Variants in PTGFRN observed in about 807,000 individuals in gnomAD.
PTGFRN encodes the protein prostaglandin F2 receptor negative regulator.
In PTGFRN, 35 loss-of-function variants were observed where a neutral mutation model predicts 83.2. The observed-to-expected ratio is 0.42, with a 90% CI of 0.32 to 0.56. The LOEUF (loss-of-function observed/expected upper bound fraction) is 0.56. PTGFRN is among the 20% of genes least tolerant of loss of function. The pLI, the probability that PTGFRN is intolerant of heterozygous loss-of-function variation, is 0.11. For synonymous variants in PTGFRN, 519 were observed against 498.6 expected (o/e 1.04, Z -0.55); for missense variants, 1,051 against 1,179.5 (o/e 0.89, Z 1.60).
Position 116,961,405 on chromosome 1 carries a change from T to C in PTGFRN, c.1376T>C (p.Val459Ala). The C allele has an allele frequency of 6.2e-7, 1 of 1,613,756 alleles. No individual in the cohort carries two copies. The highest frequency in any genetic ancestry group is 8.5e-7 in the Non-Finnish European group (1 of 1,179,784). ...YRMNRRSDNV[V>A]TSELLAVMDG... Reference sequence around the variant, plus strand: ...ATGAACCGGCGCAGCGACAATGTGGTGACCAGCGAGCTGCTTGCAGTCATG... The same window carrying C: ...ATGAACCGGCGCAGCGACAATGTGGCGACCAGCGAGCTGCTTGCAGTCATG... Residue 459 changes from valine to alanine, a missense_variant, in exon 5 of 9, where the codon GTG (valine) becomes GCG (alanine). Coordinates refer to ENST00000393203, the MANE Select transcript of PTGFRN (RefSeq NM_020440.4). This position sits in a 1 kb window ranked among gnomAD's most constrained non-coding sequence, Gnocchi z 5.4.
intron 6 of PTGFRN, among the ~76,000 whole-genome samples, chr1:116,968,518 ATC>A (rs1018628830): frequency 1.3e-5 from 2 of 152,074 alleles, no homozygotes; most frequent in African/African-American, 2.4e-5. Flanking sequence ...TTTATTGTGT[ATC>A]TGTTTGTTTT....
At chr1:116,960,626 G>T (rs1388751260) in intron 4 of PTGFRN, among the ~76,000 whole-genome samples, 1 of 152,166 alleles carries the variant, frequency 6.6e-6, no homozygotes, top group Non-Finnish European at 1.5e-5. Context: ...TTGAGGATGG[G>T]AGTGCTTATT....
chr1:116,970,895 G>A (rs958891217), intron 6 of PTGFRN, among the ~76,000 whole-genome samples: 1 of 152,148 alleles, frequency 6.6e-6, no homozygotes, highest in Non-Finnish European at 1.5e-5. Flanking sequence ...AAAAACCAAG[G>A]GGCCCTACTG....
intron 1 of PTGFRN, among the ~76,000 whole-genome samples, chr1:116,928,863 T>C (rs1014052300): frequency 6.6e-6 from 1 of 152,206 alleles, no homozygotes; most frequent in Non-Finnish European, 1.5e-5. Context: ...TGGCTCTTTT[T>C]CCTCTCTATG....
intron 1 of PTGFRN, among the ~76,000 whole-genome samples, chr1:116,932,313 C>T (rs1649820165): frequency 6.6e-6 from 1 of 152,064 alleles, no homozygotes; most frequent in Non-Finnish European, 1.5e-5. Context: ...AAGAACTTGC[C>T]TTTTTCTACC....
At chr1:116,955,931 G>A (rs768294027) in intron 4 of PTGFRN, among the ~76,000 whole-genome samples, 7 of 152,206 alleles carry the variant, frequency 4.6e-5, no homozygotes, top group Non-Finnish European at 1.0e-4. Context: ...CGAAATAGGA[G>A]TGTGACATGT....
chr1:116,935,897 G>A (rs1340270634), intron 1 of PTGFRN, among the ~76,000 whole-genome samples: 1 of 152,078 alleles, frequency 6.6e-6, no homozygotes, highest in African/African-American at 2.4e-5. Flanking sequence ...GACTTTTAAG[G>A]CTGATAAATG....
chr1:116,935,480 G>A (rs1384516705), intron 1 of PTGFRN, among the ~76,000 whole-genome samples: 1 of 151,976 alleles, frequency 6.6e-6, no homozygotes, highest in African/African-American at 2.4e-5. Context: ...TGTAGTGGGA[G>A]TGAGGGTGGG....
chr1:116,989,224 A>G lies in PTGFRN; in HGVS notation c.*2257A>G, dbSNP rs1165895764. ...TACACACTGTACCTTTTCCTTTCAT[A>G]CTGATGCTGCAGTTCAGGGCTGGAG... On this transcript the variant is annotated 3_prime_UTR_variant, in exon 9 of 9. Transcript: ENST00000393203. The G allele has an allele frequency of 6.6e-6, 1 of 152,144 alleles. No individual in the cohort carries two copies. Among genetic ancestry groups the G allele is most frequent in the African/African-American group, 2.4e-5 (1 of 41,392 alleles). 9.4% of individuals were successfully genotyped at this position (152,144 alleles called of 1,614,324 possible). A position where few individuals can be genotyped will look rare whatever the true frequency, so the allele number is the denominator to read the frequency against.
intron 7 of PTGFRN, 164 bp downstream of exon 7, chr1:116,974,487 T>C (rs968050253): frequency 2.2e-5 from 11 of 507,964 alleles, no homozygotes; most frequent in Admixed American, 3.9e-5. Flanking sequence ...AATAAATACA[T>C]GTTGAGTGGA....
intron 1 of PTGFRN, among the ~76,000 whole-genome samples, chr1:116,937,871 A>C (rs1247946840): frequency 6.6e-6 from 1 of 152,198 alleles, no homozygotes; most frequent in African/African-American, 2.4e-5. Flanking sequence ...AGGGATCATG[A>C]GTGCTGTAAG....
chr1:116,932,966 G>A (rs943114320), intron 1 of PTGFRN, among the ~76,000 whole-genome samples: 4 of 152,162 alleles, frequency 2.6e-5, no homozygotes, highest in African/African-American at 9.7e-5. Context: ...TGATAGGGGT[G>A]GTAATAGCTA....
chr1:116,988,588 A>G lies in PTGFRN; in HGVS notation c.*1621A>G, dbSNP rs1651592747. ...AAGATTCATTTGTTTTGAGCAATAA[A>G]CTAATACAAAATGATGGCCATTCAT... On this transcript the variant is annotated 3_prime_UTR_variant, in exon 9 of 9. Coordinates refer to ENST00000393203, the MANE Select transcript of PTGFRN (RefSeq NM_020440.4). 1 of 152,680 alleles carries G rather than the reference A, an allele frequency of 6.5e-6. No homozygotes were observed. The highest frequency in any genetic ancestry group is 2.1e-4 in the South Asian group (1 of 4,836). The allele number at this position is 152,680 out of a possible 1,614,324, so 9.5% of individuals were successfully genotyped here. A position where few individuals can be genotyped will look rare whatever the true frequency, so the allele number is the denominator to read the frequency against.
At chr1:116,920,210 A>C (rs1243235403) in intron 1 of PTGFRN, among the ~76,000 whole-genome samples, 2 of 152,240 alleles carry the variant, frequency 1.3e-5, no homozygotes, top group Non-Finnish European at 2.9e-5. Flanking sequence ...CATTTCCTGC[A>C]CACTAAGGAT....
chr1:116,950,784 C>T (rs768429965), intron 4 of PTGFRN, among the ~76,000 whole-genome samples: 2 of 152,104 alleles, frequency 1.3e-5, no homozygotes, highest in African/African-American at 2.4e-5. Context: ...GCAGGGTGTT[C>T]ATCAGCCCTG....
chr1:116,954,257 T>C (rs1310189823), intron 4 of PTGFRN, among the ~76,000 whole-genome samples: 1 of 152,204 alleles, frequency 6.6e-6, no homozygotes, highest in Non-Finnish European at 1.5e-5. Context: ...ATCCTCATAA[T>C]GGTTCTGCCA....
intron 4 of PTGFRN, among the ~76,000 whole-genome samples, chr1:116,957,576 A>G (rs1184949853): frequency 2.0e-5 from 3 of 152,172 alleles, no homozygotes; most frequent in Non-Finnish European, 4.4e-5. Context: ...TGGCTAAATC[A>G]AGCTAATTAA....
intron 5 of PTGFRN, among the ~76,000 whole-genome samples, chr1:116,963,220 C>T (rs1035794875): frequency 2.6e-5 from 4 of 152,202 alleles, no homozygotes; most frequent in South Asian, 2.1e-4. Context: ...CTTGGCACTG[C>T]GTGGGAATTA....
In PTGFRN at chr1:116,944,740, G is replaced by A. The variant is rs748637824; in HGVS notation, c.480G>A (p.Arg160=). ...SARPPPSLSL[R]EGEPFELRCT... ...GGCCCCCGCCGAGCCTGAGCCTGCGGGAGGGGGAGCCCTTCGAGCTGCGCT... is the reference window on the plus strand; with the variant it reads ...GGCCCCCGCCGAGCCTGAGCCTGCGAGAGGGGGAGCCCTTCGAGCTGCGCT... The change falls in exon 3 of 9, where the codon CGG becomes CGA. Residue 160 remains arginine (R), a synonymous_variant. Transcript: ENST00000393203. 25 of 1,481,998 alleles carry A rather than the reference G, an allele frequency of 1.7e-5. No homozygotes were observed. The highest frequency in any genetic ancestry group is 2.1e-5 in the Non-Finnish European group (24 of 1,123,976). 91.8% of individuals were successfully genotyped at this position (1,481,998 alleles called of 1,614,324 possible). A position where few individuals can be genotyped will look rare whatever the true frequency, so the allele number is the denominator to read the frequency against.
Sources: allele counts gnomAD v4.1 joint callset (sites outside exome capture counted in the v4.1 genomes callset), GRCh38; gene constraint gnomAD v4.1.1; non-coding constraint Gnocchi (gnomAD v3.1); transcripts MANE v1.5; gene names NCBI Gene and HGNC (gene_info 2026-07-23, HGNC 2026-07-21).